The following GRM7 variants were observed in gnomAD, a reference collection of about 807,000 sequenced individuals.
GRM7 encodes metabotropic glutamate receptor 7.
Under a neutral mutation model 84.5 loss-of-function variants are expected in GRM7, and 35 were observed. The ratio of observed to expected loss-of-function variants is 0.41; its 90% CI spans 0.32 to 0.55. GRM7 has a LOEUF of 0.55. GRM7 is among the 20% of genes least tolerant of loss of function. GRM7 has a pLI of 0.19. For synonymous variants in GRM7, 487 were observed against 455.1 expected, an observed-to-expected ratio of 1.07 and a Z score of -0.89; for missense variants, 1,003 against 1,194.6, an observed-to-expected ratio of 0.84 and a Z score of 2.36.
chr3:7,085,417 T>A (rs1008021486), intron 1 of GRM7, among the ~76,000 whole-genome samples: 2 of 152,192 alleles, frequency 1.3e-5, no homozygotes, highest in Admixed American at 6.5e-5. Flanking sequence ...TTTATTCGAC[T>A]TGGTATAGAA....
chr3:7,537,209 C>T (rs1056640264), intron 7 of GRM7, among the ~76,000 whole-genome samples: 2 of 152,106 alleles, frequency 1.3e-5, no homozygotes, highest in Non-Finnish European at 2.9e-5. Context: ...TCTTTTGGCC[C>T]ACTCTTCTTC....
intron 1 of GRM7, among the ~76,000 whole-genome samples, chr3:6,995,812 G>A (rs1340738264): frequency 6.6e-6 from 1 of 152,080 alleles, no homozygotes; most frequent in Non-Finnish European, 1.5e-5. Context: ...ACACATATAA[G>A]CAAGGGACCA....
chr3:6,941,556 G>A (rs1393584665), intron 1 of GRM7, among the ~76,000 whole-genome samples: 1 of 152,174 alleles, frequency 6.6e-6, no homozygotes, highest in African/African-American at 2.4e-5. Context: ...CTCTAATCGT[G>A]TGACTTAATT....
intron 1 of GRM7, among the ~76,000 whole-genome samples, chr3:7,118,180 GC>G (rs1181348466): frequency 6.6e-6 from 1 of 152,074 alleles, no homozygotes; most frequent in Admixed American, 6.6e-5. Context: ...GAGCCCAGGA[GC>G]TAGAGACCAG....
intron 2 of GRM7, among the ~76,000 whole-genome samples, chr3:7,251,923 A>T (rs142560355): frequency 7.2e-5 from 11 of 152,316 alleles, no homozygotes; most frequent in Non-Finnish European, 1.3e-4. Flanking sequence ...ATGAGGCCAA[A>T]AATGGATAAG....
intron 2 of GRM7, among the ~76,000 whole-genome samples, chr3:7,272,136 A>G (rs962980422): frequency 6.6e-6 from 1 of 152,026 alleles, no homozygotes; most frequent in African/African-American, 2.4e-5. Flanking sequence ...TGGTCCTTCT[A>G]TTACATGTTT....
At chr3:7,397,510 T>C (rs13099717) in intron 4 of GRM7, among the ~76,000 whole-genome samples, 55,652 of 151,918 alleles carry the variant, frequency 0.37, 11,299 homozygotes, top group Non-Finnish European at 0.47. Context: ...GTGACTATAG[T>C]TAATAATTTG....
intron 1 of GRM7, among the ~76,000 whole-genome samples, chr3:6,894,373 A>G (rs181386507): frequency 6.6e-6 from 1 of 152,272 alleles, no homozygotes; most frequent in East Asian, 1.9e-4. Flanking sequence ...TACTGCAATA[A>G]TGAAAGCAAA....
chr3:7,292,019 T>C (rs1465249933), intron 2 of GRM7, among the ~76,000 whole-genome samples: 2 of 152,228 alleles, frequency 1.3e-5, no homozygotes, highest in Non-Finnish European at 2.9e-5. Flanking sequence ...CCATGTAATA[T>C]GTGCTTTCTG....
chr3:7,261,628 C>T (rs1204498427), intron 2 of GRM7, among the ~76,000 whole-genome samples: 1 of 152,068 alleles, frequency 6.6e-6, no homozygotes, highest in African/African-American at 2.4e-5. Flanking sequence ...GGATTTGATC[C>T]TGTCATTATG....
At position 7,718,186 on chromosome 3, in the gene GRM7, C is replaced by CAT. The variant is rs577661051; in HGVS notation, c.2699-22169_2699-22168dup. Reference sequence around the variant, plus strand: ...CAGGGAGTTGATGAGGCAGTCTGTGCATAGCACTTAGTACCATGTCTGAGC... The same window carrying CAT: ...CAGGGAGTTGATGAGGCAGTCTGTGCATATAGCACTTAGTACCATGTCTGAGC... On this transcript the variant is annotated intron_variant, in intron 9 of 9. Coordinates refer to ENST00000357716, the MANE Select transcript of GRM7 (RefSeq NM_000844.4). Among the ~76,000 whole-genome samples, 29 of 152,296 alleles carry CAT rather than the reference C, an allele frequency of 1.9e-4. 1 individual carries two copies. In the East Asian group the frequency reaches 5.2e-3, roughly 27 times the overall value.
At chr3:7,121,205 T>G (rs1693205252) in intron 1 of GRM7, among the ~76,000 whole-genome samples, 1 of 152,192 alleles carries the variant, frequency 6.6e-6, no homozygotes, top group Non-Finnish European at 1.5e-5. Flanking sequence ...TACGGCAGAT[T>G]CCATTAAAAA....
chr3:7,032,532 T>C (rs1024956912), intron 1 of GRM7, among the ~76,000 whole-genome samples: 1 of 152,186 alleles, frequency 6.6e-6, no homozygotes, highest in Admixed American at 6.5e-5. Flanking sequence ...GATCCTCTCT[T>C]CTTCACATCA....
chr3:7,049,556 C>T (rs1696921845), intron 1 of GRM7, among the ~76,000 whole-genome samples: 1 of 151,794 alleles, frequency 6.6e-6, no homozygotes, highest in Non-Finnish European at 1.5e-5. Context: ...AAATCCAAAC[C>T]ATATCACATG....
In GRM7 at chr3:7,130,452, A is replaced by C. The variant is rs57264707; in HGVS notation, c.520-16000A>C. On this transcript the variant is annotated intron_variant, in intron 1 of 9. Transcript: ENST00000357716. ...CAGGTACTTGAGAGGCTGAGGCAGG[A>C]GAGTCATGTAAACCCGGGAGGTGGA... Among the ~76,000 whole-genome samples, 861 of 151,798 alleles carry C rather than the reference A, an allele frequency of 5.7e-3. 10 individuals are homozygous for C. The highest frequency in any genetic ancestry group is 0.02 in the African/African-American group (828 of 41,356).
At chr3:6,924,419 G>A (rs564929347) in intron 1 of GRM7, among the ~76,000 whole-genome samples, 1 of 152,220 alleles carries the variant, frequency 6.6e-6, no homozygotes, top group Non-Finnish European at 1.5e-5. Flanking sequence ...ATCTCTTGGG[G>A]AACTTTAAAA....
chr3:6,877,223 A>G (rs1051735653), intron 1 of GRM7, among the ~76,000 whole-genome samples: 4 of 152,166 alleles, frequency 2.6e-5, no homozygotes, highest in African/African-American at 9.7e-5. Flanking sequence ...GAAGTCTGGT[A>G]CTGGTTTGCC....
chr3:7,479,719 G>A (rs1699056694), intron 7 of GRM7, among the ~76,000 whole-genome samples: 1 of 152,092 alleles, frequency 6.6e-6, no homozygotes, highest in African/African-American at 2.4e-5. Context: ...TTACAGATGA[G>A]AAACCAGAGG....
chr3:7,393,058 C>T (rs896835083), intron 4 of GRM7, among the ~76,000 whole-genome samples: 1 of 152,122 alleles, frequency 6.6e-6, no homozygotes, highest in Non-Finnish European at 1.5e-5. Context: ...ACCACTCAGG[C>T]AAGTAGAGTG....
Sources: allele counts gnomAD v4.1 joint callset (sites outside exome capture counted in the v4.1 genomes callset), GRCh38; gene constraint gnomAD v4.1.1; transcripts MANE v1.5; gene names NCBI Gene and HGNC (gene_info 2026-07-23, HGNC 2026-07-21).